The following NTM variants were observed in gnomAD, a reference collection of about 807,000 sequenced individuals.
NTM encodes the protein IgLON family member 2.
Under a neutral mutation model 42.1 loss-of-function variants are expected in NTM, and 13 were observed. The ratio of observed to expected loss-of-function variants is 0.31; its 90% CI spans 0.20 to 0.49. The LOEUF (loss-of-function observed/expected upper bound fraction) is 0.49, where lower values mean the gene tolerates loss of function less well. NTM is among the 20% of genes least tolerant of loss of function. The pLI is 0.99. For synonymous variants in NTM, 187 were observed against 179.2 expected (o/e 1.04, Z -0.35); for missense variants, 373 against 452.8 (o/e 0.82, Z 1.60).
chr11:131,739,506 G>A (rs1230345262), intron 1 of NTM, among the ~76,000 whole-genome samples: 2 of 152,102 alleles, frequency 1.3e-5, no homozygotes, highest in East Asian at 1.9e-4. Context: ...CTTTCTGACC[G>A]GATGGCAAGC....
At chr11:131,811,534 CA>C (rs1462067562) in intron 1 of NTM, among the ~76,000 whole-genome samples, 1 of 152,096 alleles carries the variant, frequency 6.6e-6, no homozygotes, top group Non-Finnish European at 1.5e-5. Context: ...CTACCCCAAG[CA>C]GGTTTAATCA....
intron 3 of NTM, among the ~76,000 whole-genome samples, chr11:132,165,097 C>T (rs959588590): frequency 5.3e-5 from 8 of 152,156 alleles, no homozygotes; most frequent in African/African-American, 1.7e-4. Flanking sequence ...TGCTTTCACC[C>T]ATGATAGTGA....
At chr11:131,403,918 G>T (rs998713055) in intron 1 of NTM, among the ~76,000 whole-genome samples, 2 of 151,966 alleles carry the variant, frequency 1.3e-5, no homozygotes, top group Non-Finnish European at 2.9e-5. Context: ...ATGCTCTGGG[G>T]CCTCTCCTCT....
intron 1 of NTM, among the ~76,000 whole-genome samples, chr11:131,578,819 C>T (rs938810133): frequency 6.6e-6 from 1 of 152,064 alleles, no homozygotes; most frequent in Non-Finnish European, 1.5e-5. Context: ...ACTAAGTACA[C>T]AGCCTGATTG....
At chr11:132,149,848 G>T (rs1222243958) in intron 3 of NTM, among the ~76,000 whole-genome samples, 5 of 152,152 alleles carry the variant, frequency 3.3e-5, no homozygotes, top group African/African-American at 4.8e-5. Flanking sequence ...ACTTGCCAGG[G>T]TGGCTATTTT....
At chr11:131,704,631 C>T (rs1349493429) in intron 1 of NTM, among the ~76,000 whole-genome samples, 1 of 148,122 alleles carries the variant, frequency 6.8e-6, no homozygotes, top group Non-Finnish European at 1.5e-5. Context: ...AGTAACTGAC[C>T]CCATAGAAAT....
intron 1 of NTM, among the ~76,000 whole-genome samples, chr11:131,788,187 G>A (rs2089578379): frequency 2.0e-5 from 3 of 151,802 alleles, no homozygotes. Context: ...TTATTTTGTT[G>A]TTCTTTCTGT....
chr11:131,593,234 C>G (rs2059536805), intron 1 of NTM, among the ~76,000 whole-genome samples: 4 of 152,240 alleles, frequency 2.6e-5, no homozygotes, highest in Non-Finnish European at 4.4e-5. Flanking sequence ...ATTAGTTCCT[C>G]TAATTGCTAG....
At chr11:131,569,348 G>A (rs2057223619) in intron 1 of NTM, among the ~76,000 whole-genome samples, 1 of 151,256 alleles carries the variant, frequency 6.6e-6, no homozygotes, top group South Asian at 2.1e-4. Flanking sequence ...GTTTAACCAT[G>A]TTGGCCAGGC....
rs77675692 is a variant in NTM, at chr11:131,749,351, G to A, written c.83-162213G>A. ...TCCACTCCCAGGGCTGCTATGAAGA[G>A]GAAATGACATAGAGCTTACAAAGTG... On this transcript the variant is annotated intron_variant, in intron 1 of 8. Transcript: ENST00000683400. 7.2e-3 allele frequency among the ~76,000 whole-genome samples: 1,104 copies of A among 152,336 alleles called. 8 individuals are homozygous for A. Among genetic ancestry groups the A allele is most frequent in the Non-Finnish European group, 0.011 (774 of 68,030 alleles).
intron 1 of NTM, among the ~76,000 whole-genome samples, chr11:131,724,209 G>T (rs962432751): frequency 6.6e-6 from 1 of 152,142 alleles, no homozygotes; most frequent in Non-Finnish European, 1.5e-5. Context: ...TGGCCAGGGC[G>T]CCTGCACCCC....
intron 1 of NTM, chr11:131,537,483 G>C (rs1273203984): frequency 6.6e-6 from 1 of 152,220 alleles, no homozygotes; most frequent in Admixed American, 6.5e-5. Context: ...CTCCTCCCAG[G>C]TGCCATCTTG....
At chr11:131,856,960 CT>C (rs1402150034) in intron 1 of NTM, among the ~76,000 whole-genome samples, 6 of 152,162 alleles carry the variant, frequency 3.9e-5, no homozygotes, top group Non-Finnish European at 5.9e-5. Flanking sequence ...GTACTTTTTC[CT>C]TTTTTCTCCT....
chr11:131,747,513 G>A (rs1466359513), intron 1 of NTM, among the ~76,000 whole-genome samples: 1 of 152,074 alleles, frequency 6.6e-6, no homozygotes, highest in East Asian at 1.9e-4. Context: ...CTGGACTCTC[G>A]GCCTTCGTTG....
chr11:131,379,962 A>T (rs762749468), intron 1 of NTM, among the ~76,000 whole-genome samples: 14 of 152,156 alleles, frequency 9.2e-5, no homozygotes, highest in Non-Finnish European at 2.9e-5. Flanking sequence ...AAATCCAAGT[A>T]GAATGAAGTC....
chr11:132,100,161 T>C (rs186638799), intron 2 of NTM, among the ~76,000 whole-genome samples: 2 of 152,378 alleles, frequency 1.3e-5, no homozygotes, highest in East Asian at 1.9e-4. Flanking sequence ...TTTTAACATA[T>C]TGAAAGAAGT....
chr11:131,538,818 C>G lies in NTM; in HGVS notation c.82+167930C>G, dbSNP rs1427721819. 7.3e-5 allele frequency among the ~76,000 whole-genome samples: 11 copies of G among 150,000 alleles called. No homozygotes were observed. The South Asian group carries it at 1.7e-3, about 23-fold the overall frequency. ...GCTCTATTGTACAGCATGGGGACTA[C>G]AGTTAATAATGTGTTGCACATTTCA... On this transcript the variant is annotated intron_variant, in intron 1 of 8. Coordinates refer to ENST00000683400, the MANE Select transcript of NTM (RefSeq NM_001352005.2).
intron 1 of NTM, among the ~76,000 whole-genome samples, chr11:131,812,464 G>A (rs2136321698): frequency 6.6e-6 from 1 of 152,208 alleles, no homozygotes; most frequent in East Asian, 1.9e-4. Flanking sequence ...TGACCATGTG[G>A]CATTAGAGCC....
At chr11:132,325,472 A>G (rs2095659680) in intron 7 of NTM, among the ~76,000 whole-genome samples, 1 of 152,212 alleles carries the variant, frequency 6.6e-6, no homozygotes, top group African/African-American at 2.4e-5. Flanking sequence ...GTGAGATACC[A>G]TCTCACACCA....
Sources: gnomAD v4.1 joint callset for allele counts (sites outside exome capture counted in the v4.1 genomes callset) on GRCh38, gnomAD v4.1.1 for gene constraint, MANE v1.5 for transcripts, NCBI Gene and HGNC (gene_info 2026-07-23, HGNC 2026-07-21) for gene names.